The following HTR1D variants were observed in gnomAD, a reference collection of about 807,000 sequenced individuals.
HTR1D encodes the protein 5-HT-1D.
A neutral mutation model predicts 21.1 loss-of-function variants in HTR1D; 18 were observed. The observed-to-expected ratio is 0.85, with a 90% CI of 0.59 to 1.27. The LOEUF (loss-of-function observed/expected upper bound fraction) is 1.27, where lower values mean the gene tolerates loss of function less well. Among genes scored for constraint, HTR1D ranks in the 50% most tolerant of loss-of-function variants. The pLI, the probability that HTR1D is intolerant of heterozygous loss-of-function variation, is 0.00. For missense variants in HTR1D, 456 were observed against 481.4 expected, an observed-to-expected ratio of 0.95 and a Z score of 0.49; for synonymous variants, 196 against 204.4, an observed-to-expected ratio of 0.96 and a Z score of 0.35.
At chr1:23,208,433 T>G (rs1644740499) in intron 1 of HTR1D, among the ~76,000 whole-genome samples, 2 of 152,058 alleles carry the variant, frequency 1.3e-5, no homozygotes, top group Admixed American at 6.6e-5. Context: ...TAGCTGGGCA[T>G]GGAGGCACAT....
chr1:23,196,126 C>T (rs372225326), intron 1 of HTR1D, among the ~76,000 whole-genome samples: 28 of 151,822 alleles, frequency 1.8e-4, no homozygotes, highest in African/African-American at 6.5e-4. Context: ...CAGGTGTGAG[C>T]GGCTTTAGCT....
chr1:23,211,628 T>C (rs1036837828), intron 1 of HTR1D, among the ~76,000 whole-genome samples: 5 of 150,716 alleles, frequency 3.3e-5, no homozygotes, highest in African/African-American at 1.2e-4. Context: ...TATGTATGTA[T>C]GTATGTATGT....
intron 1 of HTR1D, among the ~76,000 whole-genome samples, chr1:23,206,297 T>C (rs1223010186): frequency 6.6e-6 from 1 of 152,188 alleles, no homozygotes; most frequent in Admixed American, 6.5e-5. Context: ...CCCAAAGTGC[T>C]GGGATTACGG....
At chr1:23,197,053 C>T (rs1644691506) in intron 1 of HTR1D, among the ~76,000 whole-genome samples, 1 of 152,172 alleles carries the variant, frequency 6.6e-6, no homozygotes, top group African/African-American at 2.4e-5. Context: ...TGCGTCATTT[C>T]CCAAGGAAGC....
At chr1:23,196,842 T>C (rs1259145773) in intron 1 of HTR1D, among the ~76,000 whole-genome samples, 1 of 152,116 alleles carries the variant, frequency 6.6e-6, no homozygotes, top group African/African-American at 2.4e-5. Context: ...CTTGCCTACA[T>C]TGCCTCAGTT....
Position 23,193,667 on chromosome 1 carries a change from TCTC to T in HTR1D, c.550_552del (p.Glu184del), listed in dbSNP as rs1411693972. On this transcript the variant is annotated inframe_deletion, in exon 2 of 2. Coordinates refer to ENST00000374619, the MANE Select transcript of HTR1D (RefSeq NM_000864.5). ...GAGGTGTTCACCAGACAGTCCGACA[TCTC>T]CTCCTGGGCCTTGGCCTGCCGCCAG... 1 of 1,613,446 alleles carries T rather than the reference TCTC, an allele frequency of 6.2e-7. No individual in the cohort carries two copies. Among genetic ancestry groups the T allele is most frequent in the South Asian group, 1.1e-5 (1 of 90,992 alleles).
Position 23,192,565 on chromosome 1 carries a change from G to C in HTR1D, c.*521C>G, listed in dbSNP as rs1214873745. 2 of 152,808 alleles carry C rather than the reference G, an allele frequency of 1.3e-5. No homozygotes were observed. The highest frequency in any genetic ancestry group is 4.8e-5 in the African/African-American group (2 of 41,440). 9.5% of individuals were successfully genotyped at this position (152,808 alleles called of 1,614,324 possible). A position where few individuals can be genotyped will look rare whatever the true frequency, so the allele number is the denominator to read the frequency against. On this transcript the variant is annotated 3_prime_UTR_variant, in exon 2 of 2. Coordinates refer to ENST00000374619, the MANE Select transcript of HTR1D (RefSeq NM_000864.5). ...AACTGTGAAAACATTATGTTGGCCA[G>C]GCACAGTGGCTCATGCCTGTAATCC...
rs944912581 is a variant in HTR1D at position 23,209,942 on chromosome 1, G to A, written c.-783+7349C>T. On this transcript the variant is annotated intron_variant, in intron 1 of 1. Coordinates refer to ENST00000374619, the MANE Select transcript of HTR1D (RefSeq NM_000864.5). ...CCTGAGCAGGCCCTCTCTCTGACAG[G>A]CCTGGTGACGGCAGCTTGGCACAAC... Among the ~76,000 whole-genome samples the A allele has an allele frequency of 5.3e-5, 8 of 152,288 alleles. No individual in the cohort carries two copies. In the East Asian group the frequency reaches 1.4e-3, roughly 26 times the overall value.
At chr1:23,199,872 A>G (rs1644703560) in intron 1 of HTR1D, among the ~76,000 whole-genome samples, 1 of 151,868 alleles carries the variant, frequency 6.6e-6, no homozygotes, top group African/African-American at 2.4e-5. Context: ...TGCCTGGCTA[A>G]TCTTTGTATT....
chr1:23,209,691 C>T (rs1644746086), intron 1 of HTR1D, among the ~76,000 whole-genome samples: 2 of 152,082 alleles, frequency 1.3e-5, no homozygotes, highest in African/African-American at 4.8e-5. Context: ...TTCCCACTTC[C>T]CAGGGGAGGA....
intron 1 of HTR1D, among the ~76,000 whole-genome samples, chr1:23,212,929 C>A (rs934209516): frequency 6.6e-6 from 1 of 151,898 alleles, no homozygotes; most frequent in South Asian, 2.1e-4. Flanking sequence ...CGGGTTCAAG[C>A]GATTCTCCTG....
intron 1 of HTR1D, among the ~76,000 whole-genome samples, chr1:23,205,797 C>G (rs549997626): frequency 6.6e-6 from 1 of 152,190 alleles, no homozygotes; most frequent in African/African-American, 2.4e-5. Flanking sequence ...CCTCCTCAGC[C>G]TCCCAAAGTG....
intron 1 of HTR1D, among the ~76,000 whole-genome samples, chr1:23,202,336 G>A (rs1454098188): frequency 2.0e-5 from 3 of 152,036 alleles, no homozygotes; most frequent in African/African-American, 7.2e-5. Flanking sequence ...CAAGGGATCT[G>A]CCCGTCTGAG....
At chr1:23,215,412 G>T (rs1644769965) in intron 1 of HTR1D, among the ~76,000 whole-genome samples, 1 of 152,164 alleles carries the variant, frequency 6.6e-6, no homozygotes, top group Admixed American at 6.5e-5. Context: ...GCACCACCCT[G>T]TCTCAAAAAC....
intron 1 of HTR1D, among the ~76,000 whole-genome samples, chr1:23,195,921 TG>T (rs1017941204): frequency 4.6e-5 from 7 of 152,234 alleles, no homozygotes; most frequent in African/African-American, 1.7e-4. Context: ...CTCGACCTCC[TG>T]GATCAAGTGA....
intron 1 of HTR1D, among the ~76,000 whole-genome samples, chr1:23,205,604 C>T (rs933086847): frequency 3.3e-5 from 5 of 152,100 alleles, no homozygotes; most frequent in Non-Finnish European, 5.9e-5. Flanking sequence ...AGTGCAATGG[C>T]GCTATCTTAG....
chr1:23,209,700 G>C (rs1644746112), intron 1 of HTR1D, among the ~76,000 whole-genome samples: 1 of 152,126 alleles, frequency 6.6e-6, no homozygotes, highest in Admixed American at 6.5e-5. Flanking sequence ...CCCAGGGGAG[G>C]AAAGTGAGGC....
At chr1:23,215,846 C>CTTT (rs1644771644) in intron 1 of HTR1D, among the ~76,000 whole-genome samples, 1 of 152,252 alleles carries the variant, frequency 6.6e-6, no homozygotes, top group African/African-American at 2.4e-5. Context: ...CACCCACGGG[C>CTTT]TGCACTGGGA....
At chr1:23,198,889 T>C (rs1569757409) in intron 1 of HTR1D, among the ~76,000 whole-genome samples, 1 of 151,992 alleles carries the variant, frequency 6.6e-6, no homozygotes, top group Non-Finnish European at 1.5e-5. Flanking sequence ...TCATAAAGGG[T>C]TTTAAAAGTT....
Sources: gnomAD v4.1 joint callset for allele counts (sites outside exome capture counted in the v4.1 genomes callset) on GRCh38, gnomAD v4.1.1 for gene constraint, MANE v1.5 for transcripts, NCBI Gene and HGNC (gene_info 2026-07-23, HGNC 2026-07-21) for gene names.